TIMM21: variants seen among roughly 807,000 people sequenced by gnomAD.
The protein encoded by TIMM21 is translocase of inner mitochondrial membrane 21.
In TIMM21, 30 loss-of-function variants were observed where a neutral mutation model predicts 27.7. That is an observed-to-expected ratio of 1.08 (90% CI 0.81 to 1.47). TIMM21 has a LOEUF of 1.47. Ranked by LOEUF, TIMM21 falls within the 40% of genes most tolerant of loss-of-function variation. The pLI is 0.00. For synonymous variants in TIMM21, 121 were observed against 114.4 expected (o/e 1.06, Z -0.37); for missense variants, 292 against 302.9 (o/e 0.96, Z 0.27).
Position 74,155,459 on chromosome 18 carries a change from G to A in TIMM21, c.462+56G>A, listed in dbSNP as rs115074506. ...CTGATGAGGGGGAGAAAATGTCTGG[G>A]AGGAGGAAGTGGGCAGAATTCAAGA... is the stretch of plus-strand genomic sequence containing the variant. On this transcript the variant is annotated intron_variant, in intron 3 of 5. Coordinates refer to ENST00000169551, the MANE Select transcript of TIMM21 (RefSeq NM_014177.3). 9.5e-4 allele frequency: 1,373 copies of A among 1,443,324 alleles called. 13 individuals are homozygous for A. The African/African-American group carries it at 0.017, about 18-fold the overall frequency. 89.4% of individuals were successfully genotyped at this position (1,443,324 alleles called of 1,614,324 possible). A position where few individuals can be genotyped will look rare whatever the true frequency, so the allele number is the denominator to read the frequency against.
chr18:74,151,717 G>A (rs184652170), intron 1 of TIMM21, among the ~76,000 whole-genome samples: 9 of 152,210 alleles, frequency 5.9e-5, no homozygotes, highest in East Asian at 1.9e-4. Context: ...TGAGCCTTTC[G>A]TCCAGTTTGC....
At chr18:74,158,339 A>G in intron 5 of TIMM21, 37 bp from the exon 6 acceptor site, 1 of 1,608,356 alleles carries the variant, frequency 6.2e-7, no homozygotes, top group South Asian at 1.1e-5. Context: ...AGTTCTGGAA[A>G]GGAAAATAAT....
At position 74,148,950 on chromosome 18, in the gene TIMM21, CAAAAG is replaced by C. The variant is rs778190520; in HGVS notation, c.147_151del (p.Lys49AsnfsTer5). 6.2e-7 allele frequency: 1 copy of C among 1,614,134 alleles called. No individual in the cohort carries two copies. Among genetic ancestry groups the C allele is most frequent in the South Asian group, 1.1e-5 (1 of 91,074 alleles). On this transcript the variant is annotated frameshift_variant, in exon 1 of 6. Transcript: ENST00000169551. LOFTEE classifies it high-confidence loss of function. The stretch of plus-strand genomic sequence containing the variant: ...CAGTTTGAGATGTGGGCTTCAATAT[CAAAAG>C]AAAACGCTGCGACCTAGATGTATTC...
chr18:74,157,785 C>T (rs560324012), intron 3 of TIMM21: 21 of 518,316 alleles, frequency 4.1e-5, no homozygotes, highest in East Asian at 3.6e-4. Flanking sequence ...TTAGTAGAGA[C>T]GGGGTTTCAC....
chr18:74,151,669 C>T (rs1256134335), intron 1 of TIMM21, among the ~76,000 whole-genome samples: 1 of 152,126 alleles, frequency 6.6e-6, no homozygotes, highest in African/African-American at 2.4e-5. Flanking sequence ...GGCTTTATAT[C>T]TTATATCTAT....
intron 3 of TIMM21, chr18:74,156,116 A>G (rs868405861): frequency 2.5e-6 from 1 of 395,876 alleles, no homozygotes. Flanking sequence ...GGGAAGTGTC[A>G]GATTTCTTAC....
chr18:74,155,338 T>G lies in TIMM21; in HGVS notation c.397T>G (p.Phe133Val). 2.5e-6 allele frequency: 4 copies of G among 1,613,600 alleles called. No individual in the cohort carries two copies. The South Asian group carries it at 4.4e-5, about 18-fold the overall frequency. Residue 133 changes from phenylalanine (F) to valine (V), a missense_variant, in exon 3 of 6, where the codon TTT becomes GTT. Phe to Val is a conservative substitution (Grantham distance 50). Transcript: ENST00000169551. ...GTTTTACACGATTTTCAAAGAACTT[T>G]TTTCTTCATCCAGTCCTAGCAAGAT... ...GLFYTIFKEL[F>V]SSSSPSKIYG...
rs1979700246 is a variant in TIMM21, at chr18:74,149,009, G to T, written c.201G>T (p.Thr67=). The T allele has an allele frequency of 6.2e-7, 1 of 1,614,048 alleles. No individual in the cohort carries two copies. Among genetic ancestry groups the T allele is most frequent in the South Asian group, 1.1e-5 (1 of 91,086 alleles). ...GAGTCACCCAGAAAACCATCTGGAC[G>T]CAGGGACCGAGCCCCCGAAAAGCAA... is the stretch of plus-strand genomic sequence containing the variant. ...ILGVTQKTIW[T]QGPSPRKAKE... The change falls in exon 1 of 6, where the codon ACG becomes ACT. Residue 67 remains threonine (T), a synonymous_variant. Transcript: ENST00000169551.
Position 74,149,043 on chromosome 18 carries a change from G to GGCA in TIMM21, c.239_241dup (p.Ser80dup). The GGCA allele has an allele frequency of 6.2e-7, 1 of 1,613,986 alleles. No individual in the cohort carries two copies. The highest frequency in any genetic ancestry group is 8.5e-7 in the Non-Finnish European group (1 of 1,180,026). ...GAGCCCCCGAAAAGCAAAGGAGGAT[G>GGCA]GCAGCAAACAAGTGTCTGTGCACAG... On this transcript the variant is annotated inframe_insertion, in exon 1 of 6. Coordinates refer to ENST00000169551, the MANE Select transcript of TIMM21 (RefSeq NM_014177.3).
rs1980063013 is a variant in TIMM21 at position 74,160,179 on chromosome 18, A to G, written c.*1699A>G. 6.6e-6 allele frequency: 1 copy of G among 151,854 alleles called. No individual in the cohort carries two copies. Among genetic ancestry groups the G allele is most frequent in the Non-Finnish European group, 1.5e-5 (1 of 68,004 alleles). 9.4% of individuals were successfully genotyped at this position (151,854 alleles called of 1,614,324 possible). A position where few individuals can be genotyped will look rare whatever the true frequency, so the allele number is the denominator to read the frequency against. On this transcript the variant is annotated 3_prime_UTR_variant, in exon 6 of 6. Coordinates refer to ENST00000169551, the MANE Select transcript of TIMM21 (RefSeq NM_014177.3). ...TAAAAATTCAAAAAAAAAAAAATTA[A>G]CCAGGCACGTTGACACACTCCTGTA...
chr18:74,148,667 C>A lies in TIMM21; in HGVS notation c.-142C>A, dbSNP rs1568189180. The A allele has an allele frequency of 2.6e-6, 2 of 774,350 alleles. No individual in the cohort carries two copies. Among genetic ancestry groups the A allele is most frequent in the Non-Finnish European group, 2.1e-6 (1 of 481,652 alleles). The allele number at this position is 774,350 out of a possible 1,614,324, so 48.0% of individuals were successfully genotyped here. ...AGACTTTTCGTTTTCATTTACGCTG[C>A]GGAAACTGACGTTTTTGCCTAACAC... On this transcript the variant is annotated 5_prime_UTR_variant, in exon 1 of 6. Transcript: ENST00000169551.
In TIMM21 at chr18:74,159,703, C is replaced by T. The variant is rs1260352102; in HGVS notation, c.*1223C>T. ...ACACTCGTCTCCCTGACGTAACACA[C>T]TTTGACTGAATGAGGCCTTAACTTA... On this transcript the variant is annotated 3_prime_UTR_variant, in exon 6 of 6. Transcript: ENST00000169551. 1 of 152,216 alleles carries T rather than the reference C, an allele frequency of 6.6e-6. No homozygotes were observed. The highest frequency in any genetic ancestry group is 1.5e-5 in the Non-Finnish European group (1 of 68,048). The allele number at this position is 152,216 out of a possible 1,614,324, so 9.4% of individuals were successfully genotyped here. A position where few individuals can be genotyped will look rare whatever the true frequency, so the allele number is the denominator to read the frequency against.
At chr18:74,156,299 A>C in intron 3 of TIMM21, 1 of 398,646 alleles carries the variant, frequency 2.5e-6, no homozygotes, top group Non-Finnish European at 4.4e-6. Flanking sequence ...CCTGAAGAGG[A>C]GAAAGATTTC....
chr18:74,149,906 T>A (rs1040816848), intron 1 of TIMM21, among the ~76,000 whole-genome samples: 1 of 152,194 alleles, frequency 6.6e-6, no homozygotes, highest in African/African-American at 2.4e-5. Context: ...ACCCCTTCCC[T>A]CATCTGCACC....
At chr18:74,157,704 T>G (rs973325922) in intron 3 of TIMM21, 1 of 268,506 alleles carries the variant, frequency 3.7e-6, no homozygotes, top group African/African-American at 2.2e-5. Flanking sequence ...CAAGCGATTC[T>G]CCTGCCTCAG....
In TIMM21 at chr18:74,155,289, G is replaced by A. The variant is rs776792558; in HGVS notation, c.365-17G>A. On this transcript the variant is annotated splice_polypyrimidine_tract_variant and intron_variant, in intron 2 of 5. Transcript: ENST00000169551. ...GTTGCCCTTGCTTCGCTTCATCTTT[G>A]TTTTCTGTGATTTCAGGTGGCTTGT... The A allele has an allele frequency of 1.9e-6, 3 of 1,612,484 alleles. No homozygotes were observed. Among genetic ancestry groups the A allele is most frequent in the African/African-American group, 1.3e-5 (1 of 74,710 alleles).
At chr18:74,150,545 T>C (rs1423129314) in intron 1 of TIMM21, among the ~76,000 whole-genome samples, 1 of 152,222 alleles carries the variant, frequency 6.6e-6, no homozygotes, top group Non-Finnish European at 1.5e-5. Flanking sequence ...CTGGGCAGGA[T>C]CATAAACATA....
Position 74,148,993 on chromosome 18 carries a change from A to G in TIMM21, c.185A>G (p.Gln62Arg). Residue 62 changes from glutamine to arginine, a missense_variant, in exon 1 of 6, where the codon CAG becomes CGG. Transcript: ENST00000169551. ...CCTAGATGTATTCTTGGAGTCACCC[A>G]GAAAACCATCTGGACGCAGGGACCG... Reference protein sequence around the residue: ...LRPRCILGVTQKTIWTQGPSP... With the variant: ...LRPRCILGVTRKTIWTQGPSP... 1.9e-6 allele frequency: 3 copies of G among 1,614,232 alleles called. No individual in the cohort carries two copies. Among genetic ancestry groups the G allele is most frequent in the Non-Finnish European group, 2.5e-6 (3 of 1,180,044 alleles).
chr18:74,156,097 G>A, intron 3 of TIMM21: 1 of 394,844 alleles, frequency 2.5e-6, no homozygotes, highest in Non-Finnish European at 4.5e-6. Context: ...CACGTAGCCG[G>A]TGTGGCCTGG....
Sources: gnomAD v4.1 joint callset for allele counts (sites outside exome capture counted in the v4.1 genomes callset) on GRCh38, gnomAD v4.1.1 for gene constraint, MANE v1.5 for transcripts, NCBI Gene and HGNC (gene_info 2026-07-23, HGNC 2026-07-21) for gene names.